Variants in WDR25 observed in about 807,000 individuals in gnomAD.
WDR25 encodes the protein WD repeat domain 25.
Under a neutral mutation model 47.7 loss-of-function variants are expected in WDR25, and 35 were observed. The ratio of observed to expected loss-of-function variants is 0.73; its 90% confidence interval spans 0.56 to 0.97. WDR25 has a LOEUF of 0.97. Among genes scored for constraint, WDR25 ranks in the 50% least tolerant of loss-of-function variants. WDR25 has a pLI of 0.00. For missense variants in WDR25, 634 were observed against 704.7 expected (o/e 0.90, Z 1.14); for synonymous variants, 248 against 278.9 (o/e 0.89, Z 1.10).
chr14:100,391,652 TA>T (rs34455228), intron 2 of WDR25, among the ~76,000 whole-genome samples: 103,708 of 148,422 alleles, frequency 0.7, 36,377 homozygotes, highest in South Asian at 0.84. Flanking sequence ...CATCCAGCCT[TA>T]AAAAAAAAAA....
chr14:100,416,775 G>A (rs931152017), intron 2 of WDR25, among the ~76,000 whole-genome samples: 1 of 152,184 alleles, frequency 6.6e-6, no homozygotes, highest in Admixed American at 6.5e-5. Flanking sequence ...CTGGACCATC[G>A]TCCCCAGATG....
At chr14:100,395,969 A>C (rs902500567) in intron 2 of WDR25, among the ~76,000 whole-genome samples, 3 of 149,848 alleles carry the variant, frequency 2.0e-5, no homozygotes, top group African/African-American at 7.5e-5. Flanking sequence ...ACATCTGTGA[A>C]ATGTTTTTTT....
chr14:100,417,177 G>A (rs1211482605), intron 2 of WDR25, among the ~76,000 whole-genome samples: 1 of 152,250 alleles, frequency 6.6e-6, no homozygotes, highest in East Asian at 1.9e-4. Context: ...TGTGCTGTGT[G>A]TGGCATGGCC....
chr14:100,396,696 T>C (rs150972644), intron 2 of WDR25, among the ~76,000 whole-genome samples: 29 of 152,294 alleles, frequency 1.9e-4, no homozygotes, highest in African/African-American at 6.7e-4. Flanking sequence ...ATGAAGATCA[T>C]AGGAGAGGCC....
At chr14:100,431,341 T>C (rs968315931) in intron 2 of WDR25, among the ~76,000 whole-genome samples, 1 of 152,206 alleles carries the variant, frequency 6.6e-6, no homozygotes, top group Non-Finnish European at 1.5e-5. Flanking sequence ...AGAAATTGGT[T>C]TTTCGTTTGA....
At chr14:100,513,763 A>G (rs1226683969) in intron 4 of WDR25, among the ~76,000 whole-genome samples, 2 of 151,648 alleles carry the variant, frequency 1.3e-5, no homozygotes, top group Non-Finnish European at 2.9e-5. Context: ...CCTGAGCTCA[A>G]GTGATCCTCC....
Position 100,407,083 on chromosome 14 carries a change from T to A in WDR25, c.822+25337T>A, listed in dbSNP as rs1266861509. Reference sequence around the variant, plus strand: ...GTTGAGCCCAGAAGACAAAGGTCGCTGAAGTCCTTCCAGGAGAAGAAGATC... The same window carrying A: ...GTTGAGCCCAGAAGACAAAGGTCGCAGAAGTCCTTCCAGGAGAAGAAGATC... On this transcript the variant is annotated intron_variant, in intron 2 of 6. Coordinates refer to ENST00000402312, the MANE Select transcript of WDR25 (RefSeq NM_001161476.3). This position sits in a 1 kb window ranked among gnomAD's most constrained non-coding sequence, Gnocchi z 4.1. 2 of 152,264 alleles carry A rather than the reference T, an allele frequency of 1.3e-5. No homozygotes were observed. The highest frequency in any genetic ancestry group is 2.4e-5 in the African/African-American group (1 of 41,462). 9.4% of individuals were successfully genotyped at this position (152,264 alleles called of 1,614,324 possible). A position where few individuals can be genotyped will look rare whatever the true frequency, so the allele number is the denominator to read the frequency against.
chr14:100,413,092 A>T (rs1158693752), intron 2 of WDR25, among the ~76,000 whole-genome samples: 1 of 152,192 alleles, frequency 6.6e-6, no homozygotes, highest in East Asian at 1.9e-4. Flanking sequence ...GGCCTCCCAA[A>T]GTTCTGGGAT....
At chr14:100,473,983 C>T (rs1018501994) in intron 3 of WDR25, among the ~76,000 whole-genome samples, 2 of 152,230 alleles carry the variant, frequency 1.3e-5, no homozygotes, top group Admixed American at 1.3e-4. Context: ...GTACATGCTC[C>T]TTGAGTCCTA....
chr14:100,528,989 G>A, intron 5 of WDR25, 79 bp from the exon 6 acceptor site: 1 of 1,479,618 alleles, frequency 6.8e-7, no homozygotes, highest in South Asian at 1.4e-5. Flanking sequence ...TAGGGTCTGG[G>A]AGCAGGCCCC....
At chr14:100,504,600 C>G (rs1901050190) in intron 4 of WDR25, 1 of 152,174 alleles carries the variant, frequency 6.6e-6, no homozygotes, top group Non-Finnish European at 1.5e-5. Flanking sequence ...TATGGACATA[C>G]CGCAGTTTGT....
intron 4 of WDR25, among the ~76,000 whole-genome samples, chr14:100,493,148 A>C (rs183853027): frequency 1.7e-4 from 26 of 152,308 alleles, no homozygotes; most frequent in African/African-American, 6.0e-4. Context: ...TAACAGATTT[A>C]TTCTGTATTG....
rs80347216 is a variant in WDR25, at chr14:100,438,673, T to C, written c.823-29348T>C. On this transcript the variant is annotated intron_variant, in intron 2 of 6. Transcript: ENST00000402312. ...GGTGGGATTTGAAGTTAGGTTTGAT[T>C]CTCTGGCTTTTTCATCCAAAGCTGA... Among the ~76,000 whole-genome samples the C allele has an allele frequency of 7.6e-3, 1,153 of 152,284 alleles. 15 individuals carry two copies. The highest frequency in any genetic ancestry group is 0.026 in the African/African-American group (1,096 of 41,546).
At chr14:100,514,469 C>T (rs1288449883) in intron 4 of WDR25, among the ~76,000 whole-genome samples, 1 of 151,648 alleles carries the variant, frequency 6.6e-6, no homozygotes. Flanking sequence ...ATTTTTTTCA[C>T]TTGGATTAAT....
intron 2 of WDR25, among the ~76,000 whole-genome samples, chr14:100,384,155 C>T (rs1247504226): frequency 6.6e-6 from 1 of 152,238 alleles, no homozygotes; most frequent in Non-Finnish European, 1.5e-5. Context: ...CATTTGCTGT[C>T]ATGAGGTTGG....
intron 2 of WDR25, among the ~76,000 whole-genome samples, chr14:100,436,056 C>T (rs1157198968): frequency 6.6e-6 from 1 of 152,218 alleles, no homozygotes; most frequent in African/African-American, 2.4e-5. Flanking sequence ...GCCTCTCCAG[C>T]AAGTTCTTTG....
At chr14:100,484,463 GGTGT>G (rs5810998) in intron 4 of WDR25, among the ~76,000 whole-genome samples, 5,727 of 150,116 alleles carry the variant, frequency 0.038, 357 homozygotes, top group African/African-American at 0.13. Context: ...ACAGAGAATT[GGTGT>G]GTGTGTGTGT....
At chr14:100,462,158 G>A (rs1373631130) in intron 2 of WDR25, among the ~76,000 whole-genome samples, 2 of 152,112 alleles carry the variant, frequency 1.3e-5, no homozygotes, top group Non-Finnish European at 2.9e-5. Context: ...CTCCTGGTGG[G>A]GCCATGTCTT....
At chr14:100,480,463 T>C (rs116492197) in intron 3 of WDR25, among the ~76,000 whole-genome samples, 65 of 152,178 alleles carry the variant, frequency 4.3e-4, no homozygotes, top group African/African-American at 1.5e-3. Flanking sequence ...CCCTAGAAGA[T>C]ACTAGAAAAA....
Sources: gnomAD v4.1 joint callset for allele counts (sites outside exome capture counted in the v4.1 genomes callset) on GRCh38, gnomAD v4.1.1 for gene constraint, Gnocchi (gnomAD v3.1) non-coding constraint, MANE v1.5 for transcripts, NCBI Gene and HGNC (gene_info 2026-07-23, HGNC 2026-07-21) for gene names.